Variants in GAB3 observed in about 807,000 individuals in gnomAD.
GAB3 encodes GRB2 associated binding protein 3, also known as GRB2-associated-binding protein 3.
GAB3 carries 12 observed loss-of-function variants against 40.4 expected under a neutral mutation model. The ratio of observed to expected loss-of-function variants is 0.30; its 90% CI spans 0.19 to 0.48. The LOEUF is 0.48. Ranked by LOEUF, GAB3 falls within the 20% of genes least tolerant of loss-of-function variation. GAB3 has a pLI of 0.99. For missense variants in GAB3, 381 were observed against 461.9 expected, an observed-to-expected ratio of 0.82 and a Z score of 1.61; for synonymous variants, 154 against 176.7, an observed-to-expected ratio of 0.87 and a Z score of 1.02.
intron 1 of GAB3, among the ~76,000 whole-genome samples, chrX:154,726,144 G>T (rs782652298): frequency 9.0e-6 from 1 of 111,547 alleles, no homozygotes; most frequent in African/African-American, 3.3e-5. Flanking sequence ...TAACAGAGAT[G>T]ATAGAATAAG....
intron 4 of GAB3, among the ~76,000 whole-genome samples, chrX:154,701,591 C>T (rs1434336542): frequency 1.8e-5 from 2 of 112,036 alleles, no homozygotes; most frequent in African/African-American, 6.5e-5. Context: ...AGTGAGGCTC[C>T]TCTGCCTTAT....
intron 4 of GAB3, among the ~76,000 whole-genome samples, chrX:154,706,415 CA>C (rs35975601): frequency 0.49 from 45,333 of 93,293 alleles, 9,988 homozygotes; most frequent in East Asian, 0.78. Context: ...GACTCCATCT[CA>C]AAAAAAAAAA....
intron 8 of GAB3, among the ~76,000 whole-genome samples, chrX:154,682,914 G>A (rs782155610): frequency 5.5e-4 from 61 of 111,651 alleles, no homozygotes; most frequent in South Asian, 1.1e-3. Context: ...GGAGGCAGAG[G>A]TTGCAGTGAG....
At chrX:154,690,506 G>A (rs781941074) in intron 8 of GAB3, among the ~76,000 whole-genome samples, 89 of 111,990 alleles carry the variant, frequency 7.9e-4, no homozygotes, top group African/African-American at 2.6e-3. Flanking sequence ...GAAAACTTTC[G>A]CAACCTACTC....
At chrX:154,718,930 A>G (rs2071087349) in intron 1 of GAB3, among the ~76,000 whole-genome samples, 1 of 112,407 alleles carries the variant, frequency 8.9e-6, no homozygotes, top group Non-Finnish European at 1.9e-5. Context: ...TTTTAATAAC[A>G]ATATTGGAAG....
chrX:154,724,312 C>T (rs1357027328), intron 1 of GAB3, among the ~76,000 whole-genome samples: 1 of 109,060 alleles, frequency 9.2e-6, no homozygotes, highest in Non-Finnish European at 1.9e-5. Flanking sequence ...CCACTGCACT[C>T]CAGCCTGGGC....
chrX:154,732,260 A>T (rs2071302381), intron 1 of GAB3, among the ~76,000 whole-genome samples: 1 of 111,879 alleles, frequency 8.9e-6, no homozygotes, highest in Non-Finnish European at 1.9e-5. Flanking sequence ...ATGAGCTCAT[A>T]GTCTAGCAAG....
chrX:154,726,952 G>A (rs1332009756), intron 1 of GAB3, among the ~76,000 whole-genome samples: 1 of 111,695 alleles, frequency 9.0e-6, no homozygotes, highest in African/African-American at 3.3e-5. Flanking sequence ...CTGAGTAATT[G>A]AAATAGCCTC....
At chrX:154,700,870 A>C (rs1204135319) in intron 4 of GAB3, among the ~76,000 whole-genome samples, 1 of 111,324 alleles carries the variant, frequency 9.0e-6, no homozygotes, top group Non-Finnish European at 1.9e-5. Context: ...AAAAGTCAGG[A>C]GGCCTCTAAG....
At chrX:154,751,534 G>C (rs2071618377), upstream of GAB3, 3 of 743,793 alleles carry the variant, frequency 4.0e-6, no homozygotes, top group Non-Finnish European at 4.8e-6. Flanking sequence ...ACAAAAGCAA[G>C]ACTCCTCTTG....
chrX:154,741,655 A>G (rs1557261315), intron 1 of GAB3, among the ~76,000 whole-genome samples: 1 of 101,585 alleles, frequency 9.8e-6, no homozygotes, highest in Non-Finnish European at 2.0e-5. Context: ...TAGCCTGGGC[A>G]ACAGAGCAAG....
At chrX:154,724,867 G>A (rs1343651448) in intron 1 of GAB3, among the ~76,000 whole-genome samples, 1 of 111,893 alleles carries the variant, frequency 8.9e-6, no homozygotes, top group African/African-American at 3.3e-5. Context: ...CTGCAAGGCT[G>A]AAGTGGGTCC....
At chrX:154,698,751 C>T (rs1168202942) in intron 6 of GAB3, among the ~76,000 whole-genome samples, 7 of 112,182 alleles carry the variant, frequency 6.2e-5, no homozygotes, top group Non-Finnish European at 1.1e-4. Context: ...CTGCAAGGCA[C>T]CCCGTGCACA....
intron 4 of GAB3, among the ~76,000 whole-genome samples, chrX:154,711,199 G>C (rs2070938245): frequency 8.9e-6 from 1 of 111,956 alleles, no homozygotes; most frequent in African/African-American, 3.2e-5. Flanking sequence ...TAAATAAGTA[G>C]TGATGTGTGG....
chrX:154,744,276 T>C (rs928804678), intron 1 of GAB3, among the ~76,000 whole-genome samples: 13 of 91,861 alleles, frequency 1.4e-4, no homozygotes, highest in African/African-American at 5.7e-4. Context: ...CTATGCTGTA[T>C]ATAAGAAACC....
chrX:154,715,169 C>T (rs1308459105), intron 2 of GAB3, among the ~76,000 whole-genome samples: 1 of 111,772 alleles, frequency 8.9e-6, no homozygotes, highest in African/African-American at 3.3e-5. Context: ...TGGTGGAAAC[C>T]ATGCAGTAAC....
chrX:154,751,262 C>T (rs2071612362), upstream of GAB3, among the ~76,000 whole-genome samples: 1 of 89,202 alleles, frequency 1.1e-5, no homozygotes, highest in East Asian at 3.7e-4. Context: ...CGAGCAACTG[C>T]AGCTCCGCCA....
intron 1 of GAB3, among the ~76,000 whole-genome samples, chrX:154,733,312 G>T (rs1569558081): frequency 8.9e-6 from 1 of 112,354 alleles, no homozygotes; most frequent in Non-Finnish European, 1.9e-5. Context: ...TGAACTGTCT[G>T]TGAACTGCTG....
chrX:154,751,042 G>T lies in GAB3; in HGVS notation c.-17C>A. On this transcript the variant is annotated 5_prime_UTR_variant, in exon 1 of 10. Transcript: ENST00000424127. Reference sequence around the variant, plus strand: ...CGCACTCATCGTGGCCGCCGCCGCCGCTTCCTCCAGCTGGGCCAGCCGCCC... The same window carrying T: ...CGCACTCATCGTGGCCGCCGCCGCCTCTTCCTCCAGCTGGGCCAGCCGCCC... 1 of 793,082 alleles carries T rather than the reference G, an allele frequency of 1.3e-6. No individual in the cohort carries two copies. Among genetic ancestry groups the T allele is most frequent in the Non-Finnish European group, 1.5e-6 (1 of 662,102 alleles). 65.4% of individuals were successfully genotyped at this position (793,082 alleles called of 1,213,427 possible).
Sources: gnomAD v4.1 joint callset for allele counts (sites outside exome capture counted in the v4.1 genomes callset) on GRCh38, gnomAD v4.1.1 for gene constraint, MANE v1.5 for transcripts, NCBI Gene and HGNC (gene_info 2026-07-23, HGNC 2026-07-21) for gene names.